PYGB: variants seen among roughly 807,000 people sequenced by gnomAD.
PYGB encodes the protein glycogen phosphorylase B, also known as glycogen phosphorylase, brain form.
A neutral mutation model predicts 94.3 loss-of-function variants in PYGB; 82 were observed. The observed-to-expected ratio is 0.87, with a 90% CI of 0.73 to 1.04. PYGB has a LOEUF of 1.04. PYGB is among the 50% of genes least tolerant of loss of function. PYGB has a pLI of 0.00. For missense variants in PYGB, 1,132 were observed against 1,158.2 expected (o/e 0.98, Z 0.33); for synonymous variants, 488 against 479.1 (o/e 1.02, Z -0.24).
At chr20:25,288,738 C>G (rs1293736585) in intron 15 of PYGB, among the ~76,000 whole-genome samples, 1 of 152,156 alleles carries the variant, frequency 6.6e-6, no homozygotes, top group Non-Finnish European at 1.5e-5. Context: ...TTGCTGGTGC[C>G]CACCTCAGAG....
intron 19 of PYGB, 31 bp downstream of exon 19, chr20:25,295,701 G>A: frequency 1.3e-6 from 2 of 1,585,124 alleles, no homozygotes; most frequent in South Asian, 2.2e-5. Flanking sequence ...GGCTAGGGGA[G>A]CAGCTGGGTG....
chr20:25,292,672 G>A (rs2088480142), intron 17 of PYGB, 59 bp downstream of exon 17: 1 of 1,558,794 alleles, frequency 6.4e-7, no homozygotes, highest in Non-Finnish European at 8.7e-7. Context: ...AAGGGTGTTG[G>A]GCTGGGGGCA....
chr20:25,290,012 G>A (rs2088451500), intron 15 of PYGB: 1 of 522,158 alleles, frequency 1.9e-6, no homozygotes, highest in Non-Finnish European at 3.9e-6. Flanking sequence ...GGCCCAGTGA[G>A]TCCTCACCTT....
intron 14 of PYGB, among the ~76,000 whole-genome samples, chr20:25,286,841 G>A (rs2088422458): frequency 6.6e-6 from 1 of 152,212 alleles, no homozygotes; most frequent in Non-Finnish European, 1.5e-5. Flanking sequence ...CCATGACCCT[G>A]TCCCCTGCCC....
intron 17 of PYGB, 22 bp downstream of exon 17, chr20:25,292,635 C>T (rs199577942): frequency 5.1e-5 from 82 of 1,605,020 alleles, no homozygotes; most frequent in Non-Finnish European, 6.3e-5. Flanking sequence ...TGCCCCTGGG[C>T]ACCTGGCACC....
At chr20:25,281,728 G>C (rs1176459918) in intron 11 of PYGB, among the ~76,000 whole-genome samples, 2 of 152,232 alleles carry the variant, frequency 1.3e-5, no homozygotes, top group Non-Finnish European at 2.9e-5. Context: ...TGCGGTCTCG[G>C]CTGTCATGAC....
At chr20:25,288,335 C>G in intron 14 of PYGB, 90 bp from the exon 15 acceptor site, 1 of 1,429,806 alleles carries the variant, frequency 7.0e-7, no homozygotes, top group Non-Finnish European at 9.9e-7. Flanking sequence ...CCTGTCCTGC[C>G]TCAGGGTCGG....
Position 25,271,374 on chromosome 20 carries a change from T to C in PYGB, c.425-9T>C, listed in dbSNP as rs1362596766. ...TTGATTCTGACTGATTTGTGATTGA[T>C]TTTTTCAGCGTGTTTCCTTGACTCA... On this transcript the variant is annotated splice_polypyrimidine_tract_variant and intron_variant, in intron 3 of 19. Coordinates refer to ENST00000216962, the MANE Select transcript of PYGB (RefSeq NM_002862.4). 6.2e-7 allele frequency: 1 copy of C among 1,613,264 alleles called. No individual in the cohort carries two copies. Among genetic ancestry groups the C allele is most frequent in the Admixed American group, 1.7e-5 (1 of 59,996 alleles).
At chr20:25,295,572 G>A (rs765729864) in intron 18 of PYGB, 32 bp from the exon 19 acceptor site, 1 of 1,601,612 alleles carries the variant, frequency 6.2e-7, no homozygotes, top group Non-Finnish European at 8.6e-7. Context: ...GCTCCCTGCT[G>A]CCCTGGCCCA....
intron 14 of PYGB, chr20:25,288,160 G>C (rs2088433930): frequency 1.6e-6 from 1 of 620,628 alleles, no homozygotes; most frequent in Non-Finnish European, 3.0e-6. Flanking sequence ...TTCGTCCATG[G>C]TCCTGGCTGG....
intron 13 of PYGB, among the ~76,000 whole-genome samples, chr20:25,283,600 C>G (rs571583396): frequency 6.6e-6 from 1 of 152,246 alleles, no homozygotes; most frequent in Admixed American, 6.5e-5. Context: ...CCGATTCCAG[C>G]GTGGTACCCT....
intron 1 of PYGB, 87 bp from the exon 2 acceptor site, chr20:25,259,150 C>A: frequency 1.7e-6 from 2 of 1,186,394 alleles, no homozygotes; most frequent in African/African-American, 1.5e-5. Flanking sequence ...CGAGTGGGGG[C>A]TTGGCTTCAT....
intron 17 of PYGB, among the ~76,000 whole-genome samples, chr20:25,293,228 C>T (rs886682547): frequency 2.0e-5 from 3 of 151,996 alleles, no homozygotes; most frequent in African/African-American, 4.8e-5. Flanking sequence ...ACCTTATCCC[C>T]GCGCCCCTCC....
intron 12 of PYGB, 110 bp from the exon 13 acceptor site, chr20:25,283,066 T>A: frequency 1.1e-6 from 1 of 911,630 alleles, no homozygotes; most frequent in Non-Finnish European, 1.7e-6. Context: ...GACAAGCAGA[T>A]CCCAGGGGAA....
At chr20:25,282,009 GT>G (rs1327846471) in intron 11 of PYGB, 23 bp from the exon 12 acceptor site, 1 of 1,576,410 alleles carries the variant, frequency 6.3e-7, no homozygotes, top group Non-Finnish European at 8.7e-7. Flanking sequence ...ATTTGTGACA[GT>G]TCCCTGTTCT....
chr20:25,267,059 A>G (rs893982791), intron 2 of PYGB, among the ~76,000 whole-genome samples: 12 of 152,370 alleles, frequency 7.9e-5, no homozygotes, highest in East Asian at 3.9e-4. Context: ...AGCATTATTC[A>G]TAACAGCCAA....
At position 25,284,142 on chromosome 20, in the gene PYGB, G is replaced by C; in HGVS notation, c.1659G>C (p.Glu553Asp). 1 of 1,614,112 alleles carries C rather than the reference G, an allele frequency of 6.2e-7. No homozygotes were observed. The highest frequency in any genetic ancestry group is 1.1e-5 in the South Asian group (1 of 91,082). The change falls in exon 14 of 20, where the codon GAG (glutamate) becomes GAC (aspartate). Residue 553 changes from glutamate to aspartate, a missense_variant. By Grantham distance (45) the Glu-to-Asp change is conservative (BLOSUM62 2). Transcript: ENST00000216962. The stretch of plus-strand genomic sequence containing the variant: ...AGTTCTCGGCCTTCCTGGAGAAGGA[G>C]TACAAGGTGAAGATCAACCCCTCCT... The part of the protein sequence containing the change: ...KLKFSAFLEK[E>D]YKVKINPSSM...
chr20:25,269,201 C>A lies in PYGB; in HGVS notation c.418C>A (p.Leu140Met). ...CCTTGGGAATGGAGGCCTGGGGAGGCTGGCAGGTAAGTTGCCCCATCCAGG... is the reference window on the plus strand; with the variant it reads ...CCTTGGGAATGGAGGCCTGGGGAGGATGGCAGGTAAGTTGCCCCATCCAGG... ...AGLGNGGLGR[L>M]AACFLDSMAT... The change falls in exon 3 of 20, where the codon CTG becomes ATG. Residue 140 changes from leucine to methionine, a missense_variant. Leu to Met is a conservative substitution (Grantham distance 15). Coordinates refer to ENST00000216962, the MANE Select transcript of PYGB (RefSeq NM_002862.4). The A allele has an allele frequency of 6.3e-7, 1 of 1,585,988 alleles. No individual in the cohort carries two copies. Among genetic ancestry groups the A allele is most frequent in the Non-Finnish European group, 8.7e-7 (1 of 1,155,336 alleles).
chr20:25,262,660 C>T (rs944699221), intron 2 of PYGB, among the ~76,000 whole-genome samples: 2 of 149,968 alleles, frequency 1.3e-5, no homozygotes, highest in African/African-American at 5.1e-5. Context: ...GCAAAATGCT[C>T]CATTTTGACT....
Sources: gnomAD v4.1 joint callset for allele counts (sites outside exome capture counted in the v4.1 genomes callset) on GRCh38, gnomAD v4.1.1 for gene constraint, MANE v1.5 for transcripts, NCBI Gene and HGNC (gene_info 2026-07-23, HGNC 2026-07-21) for gene names.